TRPM2: variants seen among roughly 807,000 people sequenced by gnomAD.
TRPM2 encodes the protein estrogen-responsive element-associated gene 1 protein.
TRPM2 carries 161 observed loss-of-function variants against 174.0 expected under a neutral mutation model. The ratio of observed to expected loss-of-function variants is 0.93; its 90% CI spans 0.81 to 1.05. The LOEUF is 1.05. Among genes scored for constraint, TRPM2 ranks in the 50% least tolerant of loss-of-function variants. The pLI, the probability that TRPM2 is intolerant of heterozygous loss-of-function variation, is 0.00. For synonymous variants in TRPM2, 954 were observed against 861.3 expected, an observed-to-expected ratio of 1.11 and a Z score of -1.88; for missense variants, 2,057 against 2,038.0, an observed-to-expected ratio of 1.01 and a Z score of -0.18.
At chr21:44,411,303 C>A (rs377761055) in intron 19 of TRPM2, among the ~76,000 whole-genome samples, 10 of 152,128 alleles carry the variant, frequency 6.6e-5, no homozygotes, top group African/African-American at 2.4e-4. Context: ...AGTAATAAGT[C>A]TTAATGCTTC....
At chr21:44,402,535 C>A (rs1051333374) in intron 16 of TRPM2, among the ~76,000 whole-genome samples, 33 of 152,260 alleles carry the variant, frequency 2.2e-4, no homozygotes, top group African/African-American at 6.0e-4. Flanking sequence ...GAGGCTGACA[C>A]CACATGGTTG....
In TRPM2 at chr21:44,426,658, A is replaced by G; in HGVS notation, c.3796-2A>G. ...GAGGGAAAACTCCCTGTTTTGCGAC[A>G]GACGGAGTTCCTGATCTATGACCCA... On this transcript the variant is annotated splice_acceptor_variant, in intron 25 of 31. Transcript: ENST00000397928. LOFTEE classifies it high-confidence loss of function. 1 of 1,614,226 alleles carries G rather than the reference A, an allele frequency of 6.2e-7. No individual in the cohort carries two copies.
At chr21:44,426,811 C>T in intron 26 of TRPM2, 75 bp downstream of exon 26, 3 of 1,567,028 alleles carry the variant, frequency 1.9e-6, no homozygotes, top group East Asian at 2.2e-5. Flanking sequence ...TTGAGAATCC[C>T]AGTCAGAGCC....
intron 22 of TRPM2, among the ~76,000 whole-genome samples, chr21:44,419,758 G>GTGA: frequency 4.7e-4 from 1 of 2,142 alleles, no homozygotes; most frequent in African/African-American, 1.8e-3. Flanking sequence ...GATGATGGCA[G>GTGA]TGGTGGTGGT....
chr21:44,437,092 C>T lies in TRPM2; in HGVS notation c.4092C>T (p.Cys1364=). ...RWRRNEDGAI[C]RKSIKKMLEV... is the part of the protein sequence containing the mutation. ...GGCGGAACGAGGATGGAGCCATCTG[C>T]AGGAAGAGCATAAAGAAGATGCTGG... The change falls in exon 29 of 32, where the codon TGC becomes TGT. Residue 1364 remains cysteine, a synonymous_variant. Coordinates refer to ENST00000397928, the MANE Select transcript of TRPM2 (RefSeq NM_003307.4). 2 of 1,551,208 alleles carry T rather than the reference C, an allele frequency of 1.3e-6. No homozygotes were observed. The highest frequency in any genetic ancestry group is 1.7e-6 in the Non-Finnish European group (2 of 1,146,910).
At chr21:44,384,285 C>A (rs1272851689) in intron 9 of TRPM2, among the ~76,000 whole-genome samples, 2 of 152,190 alleles carry the variant, frequency 1.3e-5, no homozygotes, top group African/African-American at 4.8e-5. Flanking sequence ...ATACCACAGA[C>A]TAAGTACTTT....
chr21:44,423,754 C>A, intron 23 of TRPM2, 22 bp downstream of exon 23: 1 of 1,581,428 alleles, frequency 6.3e-7, no homozygotes, highest in African/African-American at 1.3e-5. Context: ...GTCGGGGCCT[C>A]CGTCAGGAGG....
intron 5 of TRPM2, among the ~76,000 whole-genome samples, chr21:44,374,910 C>G (rs1293449032): frequency 6.6e-6 from 1 of 152,258 alleles, no homozygotes; most frequent in Non-Finnish European, 1.5e-5. Flanking sequence ...TCACTTCCTT[C>G]TGAGCCCTTA....
chr21:44,394,029 T>C lies in TRPM2; in HGVS notation c.1795-1385T>C, dbSNP rs563015893. On this transcript the variant is annotated intron_variant, in intron 11 of 31. Transcript: ENST00000397928. ...CTGGGATTACAGGCGCCCACCACCA[T>C]GCCCAGCTAATTTTTTGTATTAGTA... Among the ~76,000 whole-genome samples the C allele has an allele frequency of 8.4e-4, 128 of 151,946 alleles. 1 individual carries two copies. The highest frequency in any genetic ancestry group is 6.8e-3 in the Middle Eastern group (2 of 294).
At chr21:44,424,452 G>A (rs1472783605) in intron 23 of TRPM2, among the ~76,000 whole-genome samples, 1 of 152,228 alleles carries the variant, frequency 6.6e-6, no homozygotes, top group East Asian at 1.9e-4. Flanking sequence ...CCTCTGGGGA[G>A]GCTCCTCCTG....
intron 3 of TRPM2, among the ~76,000 whole-genome samples, chr21:44,365,289 A>G (rs1362345315): frequency 1.3e-5 from 2 of 152,242 alleles, no homozygotes; most frequent in African/African-American, 2.4e-5. Context: ...GGAGGGTGGC[A>G]CTGATCTCTG....
At chr21:44,406,292 T>G (rs147742167) in intron 18 of TRPM2, among the ~76,000 whole-genome samples, 2 of 149,300 alleles carry the variant, frequency 1.3e-5, no homozygotes, top group African/African-American at 2.6e-5. Flanking sequence ...TCTAGGAGCT[T>G]TCCTCCTTGG....
chr21:44,437,254 C>G (rs2051309266), intron 29 of TRPM2, 87 bp downstream of exon 29: 1 of 1,301,396 alleles, frequency 7.7e-7, no homozygotes, highest in Non-Finnish European at 1.1e-6. Flanking sequence ...GGACTGGACA[C>G]CAGCCCCCTG....
intron 9 of TRPM2, among the ~76,000 whole-genome samples, chr21:44,390,409 GA>G (rs1226129205): frequency 6.6e-6 from 1 of 152,162 alleles, no homozygotes; most frequent in Admixed American, 6.5e-5. Flanking sequence ...AGTTAAACCA[GA>G]AAGGGAACAC....
chr21:44,403,887 C>T lies in TRPM2; in HGVS notation c.2539-1255C>T, dbSNP rs1415990409. Reference sequence around the variant, plus strand: ...AAATATACACATACATACACATGCACATACATATACAGCACACACATGCAT... The same window carrying T: ...AAATATACACATACATACACATGCATATACATATACAGCACACACATGCAT... On this transcript the variant is annotated intron_variant, in intron 16 of 31. Transcript: ENST00000397928. 2.6e-5 allele frequency among the ~76,000 whole-genome samples: 4 copies of T among 151,094 alleles called. No homozygotes were observed. The East Asian group carries it at 7.8e-4, about 30-fold the overall frequency.
upstream of TRPM2, among the ~76,000 whole-genome samples, chr21:44,352,693 G>C (rs1182889138): frequency 6.6e-6 from 1 of 152,204 alleles, no homozygotes. Context: ...CGCAGGGCTT[G>C]AACATGCTTA....
intron 12 of TRPM2, among the ~76,000 whole-genome samples, chr21:44,396,504 T>G: frequency 5.1e-5 from 1 of 19,442 alleles, no homozygotes. Context: ...GTGGAGACTG[T>G]GGAAGGGTGT....
intron 12 of TRPM2, among the ~76,000 whole-genome samples, chr21:44,396,494 G>A (rs1208823149): frequency 5.5e-5 from 2 of 36,528 alleles, no homozygotes; most frequent in African/African-American, 3.2e-4. Context: ...GTGGAGGGAT[G>A]TGGAGACTGT....
At chr21:44,380,359 C>T (rs2048843161) in intron 8 of TRPM2, among the ~76,000 whole-genome samples, 2 of 152,202 alleles carry the variant, frequency 1.3e-5, no homozygotes, top group African/African-American at 2.4e-5. Context: ...CGCTCAGCTC[C>T]CCATGTCAGG....
Sources: gnomAD v4.1 joint callset for allele counts (sites outside exome capture counted in the v4.1 genomes callset) on GRCh38, gnomAD v4.1.1 for gene constraint, MANE v1.5 for transcripts, NCBI Gene and HGNC (gene_info 2026-07-23, HGNC 2026-07-21) for gene names.